Variants in POC1B observed in about 807,000 individuals in gnomAD.
POC1B encodes the protein POC1 centriolar protein B.
POC1B carries 44 observed loss-of-function variants against 60.6 expected under a neutral mutation model. That is an observed-to-expected ratio of 0.73 (90% CI 0.57 to 0.93). The LOEUF is 0.93. Among genes scored for constraint, POC1B ranks in the 40% least tolerant of loss-of-function variants. POC1B has a pLI of 0.00. For synonymous variants in POC1B, 180 were observed against 198.9 expected (o/e 0.90, Z 0.80); for missense variants, 555 against 572.3 (o/e 0.97, Z 0.31).
intron 2 of POC1B, chr12:89,523,149 G>A (rs2135779216): frequency 6.2e-7 from 1 of 1,613,686 alleles, no homozygotes; most frequent in Non-Finnish European, 8.5e-7. Flanking sequence ...TAGCACCTGT[G>A]GGGTTGTTGT....
chr12:89,425,136 CT>C, intron 11 of POC1B, 24 bp downstream of exon 11: 2 of 1,609,322 alleles, frequency 1.2e-6, no homozygotes, highest in Non-Finnish European at 1.7e-6. Context: ...CCAAGTGCAA[CT>C]CATGCAACCT....
chr12:89,490,105 C>T (rs1366206557), intron 4 of POC1B, among the ~76,000 whole-genome samples: 1 of 152,056 alleles, frequency 6.6e-6, no homozygotes, highest in Non-Finnish European at 1.5e-5. Context: ...CCCCCAGACA[C>T]TACAAAGAGA....
chr12:89,505,290 T>C (rs1366212719), intron 2 of POC1B, among the ~76,000 whole-genome samples: 1 of 152,234 alleles, frequency 6.6e-6, no homozygotes, highest in Admixed American at 6.5e-5. Flanking sequence ...GCTGAATATA[T>C]ACTTAGTATT....
intron 9 of POC1B, among the ~76,000 whole-genome samples, chr12:89,462,661 G>C (rs1031137496): frequency 1.3e-5 from 2 of 152,120 alleles, no homozygotes; most frequent in African/African-American, 4.8e-5. Flanking sequence ...ATGTAATTTT[G>C]TTTATATTGA....
chr12:89,516,075 T>C (rs1156727895), intron 2 of POC1B, among the ~76,000 whole-genome samples: 1 of 152,174 alleles, frequency 6.6e-6, no homozygotes, highest in Non-Finnish European at 1.5e-5. Flanking sequence ...ATGGGTCTTA[T>C]ATACTCCAAA....
At chr12:89,415,877 C>G (rs538291899), downstream of POC1B, among the ~76,000 whole-genome samples, 2 of 151,824 alleles carry the variant, frequency 1.3e-5, no homozygotes, top group African/African-American at 4.8e-5. Flanking sequence ...AGACTGTCTA[C>G]GTAACTGCTG....
chr12:89,405,128 T>G, the POC1B span, among the ~76,000 whole-genome samples: 2 of 152,140 alleles, frequency 1.3e-5, no homozygotes, highest in African/African-American at 4.8e-5. Context: ...ATCTACCCCA[T>G]GGAACGCAAG....
At chr12:89,488,394 G>A (rs916477174) in intron 4 of POC1B, among the ~76,000 whole-genome samples, 1 of 152,110 alleles carries the variant, frequency 6.6e-6, no homozygotes, top group Non-Finnish European at 1.5e-5. Context: ...ACAGATATGA[G>A]AGTTATTAGA....
chr12:89,437,080 G>A (rs1881301800), intron 10 of POC1B, among the ~76,000 whole-genome samples: 1 of 152,088 alleles, frequency 6.6e-6, no homozygotes, highest in South Asian at 2.1e-4. Context: ...AATACCTCAT[G>A]AGCCAGTCTC....
chr12:89,484,080 T>C (rs1868507663), intron 4 of POC1B, among the ~76,000 whole-genome samples: 1 of 152,152 alleles, frequency 6.6e-6, no homozygotes, highest in Admixed American at 6.5e-5. Context: ...GAGTAGACTG[T>C]GACAAGTTAA....
the POC1B span, among the ~76,000 whole-genome samples, chr12:89,408,818 A>G: frequency 1.3e-5 from 2 of 152,082 alleles, no homozygotes; most frequent in African/African-American, 4.8e-5. Flanking sequence ...TCGCCATTCT[A>G]ACTGGTGTGA....
intron 10 of POC1B, among the ~76,000 whole-genome samples, chr12:89,444,283 C>A (rs111843337): frequency 6.6e-6 from 1 of 152,156 alleles, no homozygotes; most frequent in South Asian, 2.1e-4. Context: ...GATACCAAAG[C>A]CTGGCAGAGA....
chr12:89,470,587 G>C (rs1882852837), intron 6 of POC1B, 93 bp from the exon 7 acceptor site: 1 of 1,084,084 alleles, frequency 9.2e-7, no homozygotes. Flanking sequence ...TTGTAAACAA[G>C]AGCACTGTTT....
chr12:89,509,000 C>G (rs1308719066), intron 2 of POC1B, among the ~76,000 whole-genome samples: 1 of 152,202 alleles, frequency 6.6e-6, no homozygotes, highest in African/African-American at 2.4e-5. Context: ...GATGGAGAGA[C>G]AAGACTATAT....
At chr12:89,523,979 T>C in intron 2 of POC1B, 3 of 1,613,940 alleles carry the variant, frequency 1.9e-6, no homozygotes, top group Non-Finnish European at 1.7e-6. Context: ...TCAAGATTGC[T>C]GATGTAAGTT....
chr12:89,485,440 A>ATCCT (rs1868582454), intron 4 of POC1B: 1 of 152,382 alleles, frequency 6.6e-6, no homozygotes, highest in African/African-American at 2.4e-5. Flanking sequence ...AGAAGATGAA[A>ATCCT]TCCTTATTCA....
At chr12:89,444,107 A>G (rs1418464702) in intron 10 of POC1B, among the ~76,000 whole-genome samples, 1 of 152,206 alleles carries the variant, frequency 6.6e-6, no homozygotes, top group Non-Finnish European at 1.5e-5. Flanking sequence ...CTGAGGCAAT[A>G]ATTAAGAGCC....
At chr12:89,524,245 A>T (rs1871207814) in intron 2 of POC1B, 1 of 1,613,818 alleles carries the variant, frequency 6.2e-7, no homozygotes, top group Non-Finnish European at 8.5e-7. Flanking sequence ...GTAAATATTG[A>T]TGGCGTATCT....
Position 89,503,153 on chromosome 12 carries a change from C to T in POC1B, c.101-5811G>A, listed in dbSNP as rs886974373. Among the ~76,000 whole-genome samples, 5 of 152,110 alleles carry T rather than the reference C, an allele frequency of 3.3e-5. No individual in the cohort carries two copies. In the East Asian group the frequency reaches 9.6e-4, roughly 29 times the overall value. On this transcript the variant is annotated intron_variant, in intron 2 of 11. Coordinates refer to ENST00000313546, the MANE Select transcript of POC1B (RefSeq NM_172240.3). ...CTCTCCCTCTCTTTCCACAGTCTCCCTCTGATGCCCAGCCGAAGCTGGACT... is the reference window on the plus strand; with the variant it reads ...CTCTCCCTCTCTTTCCACAGTCTCCTTCTGATGCCCAGCCGAAGCTGGACT...
Sources: gnomAD v4.1 joint callset for allele counts (sites outside exome capture counted in the v4.1 genomes callset) on GRCh38, gnomAD v4.1.1 for gene constraint, MANE v1.5 for transcripts, NCBI Gene and HGNC (gene_info 2026-07-23, HGNC 2026-07-21) for gene names.